Variants in KCNC2 observed in about 807,000 individuals in gnomAD.
The protein encoded by KCNC2 is potassium voltage-gated channel subfamily C member 2.
Under a neutral mutation model 44.5 loss-of-function variants are expected in KCNC2, and 21 were observed. The ratio of observed to expected loss-of-function variants is 0.47; its 90% CI spans 0.33 to 0.68. KCNC2 has a LOEUF of 0.68. Among genes scored for constraint, KCNC2 ranks in the 30% least tolerant of loss-of-function variants. The pLI is 0.01. For synonymous variants in KCNC2, 391 were observed against 339.1 expected, an observed-to-expected ratio of 1.15 and a Z score of -1.68; for missense variants, 589 against 826.2, an observed-to-expected ratio of 0.71 and a Z score of 3.52.
intron 2 of KCNC2, among the ~76,000 whole-genome samples, chr12:75,102,062 T>C (rs1886414091): frequency 6.6e-6 from 1 of 152,100 alleles, no homozygotes; most frequent in Non-Finnish European, 1.5e-5. Flanking sequence ...CATGCATTGC[T>C]CTGATGCTAT....
chr12:75,103,597 C>T (rs1340554375), intron 2 of KCNC2, among the ~76,000 whole-genome samples: 1 of 152,128 alleles, frequency 6.6e-6, no homozygotes, highest in Non-Finnish European at 1.5e-5. Flanking sequence ...AAGTAGGAGA[C>T]CTGGGGCTAC....
chr12:75,042,608 C>T lies in KCNC2; in HGVS notation c.*497G>A, dbSNP rs539978100. 1.6e-3 allele frequency: 2,145 copies of T among 1,314,880 alleles called. 4 individuals are homozygous for T. Among genetic ancestry groups the T allele is most frequent in the Middle Eastern group, 3.5e-3 (12 of 3,408 alleles). The allele number at this position is 1,314,880 out of a possible 1,614,324, so 81.5% of individuals were successfully genotyped here. ...AAGTACACATATCCTGAGCTATCCA[C>T]AGTCCCCGAACTCTGCAACATTGCT... On this transcript the variant is annotated 3_prime_UTR_variant, in exon 5 of 5. Coordinates refer to ENST00000549446, the MANE Select transcript of KCNC2 (RefSeq NM_139137.4).
At chr12:75,203,703 C>G (rs1452517066) in intron 2 of KCNC2, among the ~76,000 whole-genome samples, 3 of 151,860 alleles carry the variant, frequency 2.0e-5, no homozygotes, top group Non-Finnish European at 4.4e-5. Context: ...AGCCAACATT[C>G]TAAAACAGAG....
intron 2 of KCNC2, among the ~76,000 whole-genome samples, chr12:75,128,349 T>G (rs1024636705): frequency 6.6e-5 from 10 of 152,136 alleles, no homozygotes; most frequent in Non-Finnish European, 8.8e-5. Context: ...CATTATTTCG[T>G]GATTCCAACA....
chr12:75,204,604 A>T (rs1214027421), intron 2 of KCNC2, among the ~76,000 whole-genome samples: 3 of 152,112 alleles, frequency 2.0e-5, no homozygotes, highest in Admixed American at 6.5e-5. Context: ...TAAGAATGAG[A>T]CTCATGATAA....
chr12:75,194,686 A>G (rs969197274), intron 2 of KCNC2, among the ~76,000 whole-genome samples: 1 of 152,222 alleles, frequency 6.6e-6, no homozygotes, highest in Non-Finnish European at 1.5e-5. Context: ...CATGTCTTAT[A>G]TCCAGGAAGG....
intron 2 of KCNC2, among the ~76,000 whole-genome samples, chr12:75,083,550 A>G (rs1246659647): frequency 1.3e-5 from 2 of 151,970 alleles, no homozygotes; most frequent in African/African-American, 4.8e-5. Flanking sequence ...TAAAATGTTT[A>G]CTAAAAATCT....
chr12:75,135,772 C>T (rs754383043), intron 2 of KCNC2, among the ~76,000 whole-genome samples: 2 of 151,976 alleles, frequency 1.3e-5, no homozygotes, highest in Non-Finnish European at 2.9e-5. Flanking sequence ...TACCTATGCC[C>T]TAACTTAGAT....
chr12:75,173,015 A>G (rs1891936549), intron 2 of KCNC2, among the ~76,000 whole-genome samples: 1 of 151,930 alleles, frequency 6.6e-6, no homozygotes, highest in African/African-American at 2.4e-5. Context: ...AATCCATTTT[A>G]TGATCAAACT....
chr12:75,144,644 A>G (rs1230286938), intron 2 of KCNC2, among the ~76,000 whole-genome samples: 7 of 150,462 alleles, frequency 4.7e-5, no homozygotes, highest in African/African-American at 1.7e-4. Context: ...GTGTGTGTAT[A>G]TATATATATG....
At chr12:75,163,985 GAACTTGCAGGGA>G (rs1464725482) in intron 2 of KCNC2, among the ~76,000 whole-genome samples, 1 of 151,474 alleles carries the variant, frequency 6.6e-6, no homozygotes, top group Non-Finnish European at 1.5e-5. Context: ...TCCTTTTTTG[GAACTTGCAGGGA>G]ACAATATGAA....
chr12:75,130,786 A>T (rs1295523999), intron 2 of KCNC2, among the ~76,000 whole-genome samples: 1 of 151,630 alleles, frequency 6.6e-6, no homozygotes, highest in East Asian at 1.9e-4. Flanking sequence ...AGTAATAAAA[A>T]AAAAAAAAAA....
intron 2 of KCNC2, among the ~76,000 whole-genome samples, chr12:75,158,035 A>C (rs1380519269): frequency 1.3e-5 from 2 of 151,876 alleles, no homozygotes; most frequent in Admixed American, 6.6e-5. Flanking sequence ...TTTTGTCATT[A>C]ATCTAATCTT....
intron 4 of KCNC2, among the ~76,000 whole-genome samples, chr12:75,044,168 G>A (rs567134553): frequency 6.6e-6 from 1 of 152,070 alleles, no homozygotes; most frequent in South Asian, 2.1e-4. Context: ...TAAACGAGGT[G>A]GAAAGCACCT....
intron 2 of KCNC2, among the ~76,000 whole-genome samples, chr12:75,076,575 G>C (rs948902529): frequency 1.8e-4 from 27 of 152,040 alleles, no homozygotes; most frequent in African/African-American, 6.0e-4. Context: ...CCTGGCCTCA[G>C]AACCTCTTTA....
chr12:75,153,923 G>A (rs1451578908), intron 2 of KCNC2, among the ~76,000 whole-genome samples: 1 of 151,900 alleles, frequency 6.6e-6, no homozygotes, highest in Non-Finnish European at 1.5e-5. Context: ...AGGGATGGCA[G>A]AGGCAGAAAA....
intron 2 of KCNC2, among the ~76,000 whole-genome samples, chr12:75,075,458 C>T (rs202157445): frequency 5.5e-5 from 8 of 145,574 alleles, no homozygotes; most frequent in South Asian, 2.1e-4. Context: ...TATATATATA[C>T]ATATATATAT....
At chr12:75,091,702 G>T (rs1343365819) in intron 2 of KCNC2, among the ~76,000 whole-genome samples, 1 of 151,278 alleles carries the variant, frequency 6.6e-6, no homozygotes, top group African/African-American at 2.4e-5. Context: ...TCTCATTGAT[G>T]GGAAAAATAT....
At chr12:75,096,868 T>C (rs917746631) in intron 2 of KCNC2, among the ~76,000 whole-genome samples, 2 of 152,088 alleles carry the variant, frequency 1.3e-5, no homozygotes, top group Admixed American at 1.3e-4. Flanking sequence ...AAATTTCTAC[T>C]TTAAAATCAT....
Sources: gnomAD v4.1 joint callset for allele counts (sites outside exome capture counted in the v4.1 genomes callset) on GRCh38, gnomAD v4.1.1 for gene constraint, MANE v1.5 for transcripts, NCBI Gene and HGNC (gene_info 2026-07-23, HGNC 2026-07-21) for gene names.